Variants in PPFIA1 observed in about 807,000 individuals in gnomAD.
PPFIA1 encodes the protein PPFI scaffold protein A1.
A neutral mutation model predicts 149.9 loss-of-function variants in PPFIA1; 25 were observed. That is an observed-to-expected ratio of 0.17 (90% CI 0.12 to 0.23). PPFIA1 has a LOEUF of 0.23. Ranked by LOEUF, PPFIA1 falls within the 10% of genes least tolerant of loss-of-function variation. PPFIA1 has a pLI of 1.00. For synonymous variants in PPFIA1, 549 were observed against 552.8 expected, an observed-to-expected ratio of 0.99 and a Z score of 0.10; for missense variants, 1,362 against 1,506.5, an observed-to-expected ratio of 0.90 and a Z score of 1.59.
intron 14 of PPFIA1, among the ~76,000 whole-genome samples, chr11:70,342,738 G>A (rs892786301): frequency 1.3e-5 from 2 of 152,054 alleles, no homozygotes; most frequent in African/African-American, 2.4e-5. Flanking sequence ...CTTTCCAGTA[G>A]CATGTATAAT....
At position 70,325,018 on chromosome 11, in the gene PPFIA1, T is replaced by TC; in HGVS notation, c.531+8dup. The TC allele has an allele frequency of 6.2e-7, 1 of 1,602,338 alleles. No individual in the cohort carries two copies. The highest frequency in any genetic ancestry group is 2.2e-5 in the East Asian group (1 of 44,724). On this transcript the variant is annotated splice_region_variant and intron_variant, in intron 4 of 27. Transcript: ENST00000253925. Reference sequence around the variant, plus strand: ...CAAAGCTCTGGATGAAAAGGTGCCATCAGCCACATAAGTCTTGGTTTGTGC... The same window carrying TC: ...CAAAGCTCTGGATGAAAAGGTGCCATCCAGCCACATAAGTCTTGGTTTGTGC...
chr11:70,361,591 C>G (rs2056647435), intron 19 of PPFIA1, among the ~76,000 whole-genome samples: 1 of 151,202 alleles, frequency 6.6e-6, no homozygotes, highest in Admixed American at 6.6e-5. Flanking sequence ...AATAGTGGTT[C>G]CTTGATTTTG....
In PPFIA1 at chr11:70,377,960, G is replaced by A. The variant is rs530642059; in HGVS notation, c.3385-70G>A. On this transcript the variant is annotated intron_variant, in intron 25 of 27. Coordinates refer to ENST00000253925, the MANE Select transcript of PPFIA1 (RefSeq NM_003626.5). Reference sequence around the variant, plus strand: ...CTCGAGATCAGCAGTCATTTTAAAGGACATGTAACTTTACATCTCTGACCT... The same window carrying A: ...CTCGAGATCAGCAGTCATTTTAAAGAACATGTAACTTTACATCTCTGACCT... 1.2e-5 allele frequency: 15 copies of A among 1,214,800 alleles called. No homozygotes were observed. In the East Asian group the frequency reaches 3.5e-4, roughly 29 times the overall value. The allele number at this position is 1,214,800 out of a possible 1,614,324, so 75.3% of individuals were successfully genotyped here. A position where few individuals can be genotyped will look rare whatever the true frequency, so the allele number is the denominator to read the frequency against.
At chr11:70,296,552 C>T (rs927225759) in intron 2 of PPFIA1, among the ~76,000 whole-genome samples, 6 of 151,922 alleles carry the variant, frequency 3.9e-5, no homozygotes, top group East Asian at 3.9e-4. Context: ...CGTGGCGGTG[C>T]GCGCCTGCAA....
At chr11:70,345,681 G>C (rs1324736672) in intron 15 of PPFIA1, among the ~76,000 whole-genome samples, 1 of 152,214 alleles carries the variant, frequency 6.6e-6, no homozygotes, top group Middle Eastern at 3.4e-3. Context: ...AAAAAAATGA[G>C]CCAGGTATGG....
chr11:70,287,088 A>C (rs1415709466), intron 2 of PPFIA1, among the ~76,000 whole-genome samples: 1 of 151,740 alleles, frequency 6.6e-6, no homozygotes, highest in African/African-American at 2.4e-5. Context: ...CTTGAGCTCA[A>C]GTGATTCGCC....
At chr11:70,333,694 A>T in intron 10 of PPFIA1, 141 bp downstream of exon 10, 2 of 693,722 alleles carry the variant, frequency 2.9e-6, no homozygotes, top group Non-Finnish European at 5.2e-6. Flanking sequence ...TTTGTTTTGC[A>T]CCCTCATCTG....
chr11:70,324,364 C>T, intron 2 of PPFIA1, 38 bp from the exon 3 acceptor site: 1 of 1,497,782 alleles, frequency 6.7e-7, no homozygotes, highest in Non-Finnish European at 9.2e-7. Flanking sequence ...TTTAGGGGGT[C>T]TTTCTTATTT....
At position 70,343,812 on chromosome 11, in the gene PPFIA1, A is replaced by G. The variant is rs145921616; in HGVS notation, c.1851A>G (p.Leu617=). The change falls in exon 15 of 28, where the codon CTA becomes CTG. Residue 617 remains leucine (L), a synonymous_variant. Transcript: ENST00000253925. ...RDTLLSSVDL[L]SPSGQADAHT... is the part of the protein sequence containing the mutation. ...CTCTCCTCAGCTCAGTTGACCTGCTATCGCCCAGCGGGCAGGCCGACGCGC... is the reference window on the plus strand; with the variant it reads ...CTCTCCTCAGCTCAGTTGACCTGCTGTCGCCCAGCGGGCAGGCCGACGCGC... The G allele has an allele frequency of 4.8e-5, 78 of 1,614,188 alleles. No individual in the cohort carries two copies. Among genetic ancestry groups the G allele is most frequent in the East Asian group, 2.0e-4 (9 of 44,876 alleles).
chr11:70,382,673 C>G (rs1355673782), intron 27 of PPFIA1, among the ~76,000 whole-genome samples: 1 of 152,208 alleles, frequency 6.6e-6, no homozygotes, highest in Non-Finnish European at 1.5e-5. Context: ...CGGACTCTGG[C>G]TGGTGAGTGG....
At chr11:70,355,874 G>C in intron 18 of PPFIA1, 63 bp downstream of exon 18, 1 of 1,548,200 alleles carries the variant, frequency 6.5e-7, no homozygotes, top group East Asian at 2.2e-5. Context: ...ACTGCCTTCG[G>C]TGCCATCAGT....
chr11:70,378,469 A>G, intron 26 of PPFIA1: 2 of 1,149,092 alleles, frequency 1.7e-6, no homozygotes, highest in Non-Finnish European at 2.1e-6. Context: ...GTTCTCAGAG[A>G]GAGACTGAGG....
chr11:70,280,236 A>G (rs2050671245), intron 2 of PPFIA1, among the ~76,000 whole-genome samples: 2 of 149,180 alleles, frequency 1.3e-5, no homozygotes, highest in South Asian at 2.1e-4. Context: ...ATACGTACAT[A>G]CATATATATA....
At chr11:70,315,860 C>T (rs909882182) in intron 2 of PPFIA1, among the ~76,000 whole-genome samples, 2 of 149,798 alleles carry the variant, frequency 1.3e-5, no homozygotes, top group Admixed American at 6.6e-5. Context: ...CCCCATTAAA[C>T]ACCAACTCCC....
intron 2 of PPFIA1, among the ~76,000 whole-genome samples, chr11:70,290,343 C>T (rs1034920672): frequency 1.3e-5 from 2 of 152,226 alleles, no homozygotes; most frequent in African/African-American, 2.4e-5. Context: ...GTCGCACCCA[C>T]CTCCGATAGG....
At chr11:70,349,135 CAAAAAAAAAAAA>C (rs749436919) in intron 16 of PPFIA1, among the ~76,000 whole-genome samples, 4 of 74,610 alleles carry the variant, frequency 5.4e-5, no homozygotes, top group African/African-American at 1.0e-4. Context: ...CATCTACTAC[CAAAAAAAAAAAA>C]AAAAAAAAAA....
intron 2 of PPFIA1, among the ~76,000 whole-genome samples, chr11:70,277,562 C>T (rs530792731): frequency 1.6e-4 from 25 of 151,634 alleles, no homozygotes; most frequent in East Asian, 3.9e-4. Flanking sequence ...ACGATCTTGG[C>T]GCACTGCAAC....
intron 2 of PPFIA1, among the ~76,000 whole-genome samples, chr11:70,289,560 T>C (rs1318918466): frequency 6.6e-6 from 1 of 152,238 alleles, no homozygotes; most frequent in African/African-American, 2.4e-5. Context: ...TAAATACATC[T>C]TAAGAATATA....
intron 15 of PPFIA1, among the ~76,000 whole-genome samples, chr11:70,344,494 A>C (rs2055558379): frequency 6.6e-6 from 1 of 152,214 alleles, no homozygotes; most frequent in African/African-American, 2.4e-5. Flanking sequence ...TTCTGGTCTT[A>C]GTGTCCCTCC....
Sources: gnomAD v4.1 joint callset for allele counts (sites outside exome capture counted in the v4.1 genomes callset) on GRCh38, gnomAD v4.1.1 for gene constraint, MANE v1.5 for transcripts, NCBI Gene and HGNC (gene_info 2026-07-23, HGNC 2026-07-21) for gene names.